MDGA2: variants seen among roughly 807,000 people sequenced by gnomAD.
The protein encoded by MDGA2 is MAM domain-containing glycosylphosphatidylinositol anchor protein 2.
In MDGA2, 40 loss-of-function variants were observed where a neutral mutation model predicts 117.8. The observed-to-expected ratio is 0.34, with a 90% confidence interval of 0.26 to 0.44. The LOEUF is 0.44. MDGA2 is among the 20% of genes least tolerant of loss of function. The pLI is 1.00. For synonymous variants in MDGA2, 452 were observed against 439.0 expected, an observed-to-expected ratio of 1.03 and a Z score of -0.37; for missense variants, 1,123 against 1,250.6, an observed-to-expected ratio of 0.90 and a Z score of 1.54.
At chr14:46,897,416 A>G (rs1191790071) in intron 10 of MDGA2, among the ~76,000 whole-genome samples, 1 of 152,168 alleles carries the variant, frequency 6.6e-6, no homozygotes, top group Non-Finnish European at 1.5e-5. Context: ...CATTAAGGTC[A>G]TTTGATATTT....
intron 10 of MDGA2, among the ~76,000 whole-genome samples, chr14:46,890,347 C>T (rs1882833150): frequency 6.6e-6 from 1 of 152,040 alleles, no homozygotes; most frequent in South Asian, 2.1e-4. Flanking sequence ...AAGAAAATTA[C>T]AAGAATAGAA....
At chr14:47,263,642 C>T (rs1887873176) in intron 2 of MDGA2, among the ~76,000 whole-genome samples, 1 of 152,066 alleles carries the variant, frequency 6.6e-6, no homozygotes, top group Non-Finnish European at 1.5e-5. Flanking sequence ...ATTGGACTTT[C>T]TTAGGCCAAC....
chr14:47,060,171 A>T (rs1889832167), intron 7 of MDGA2, among the ~76,000 whole-genome samples: 1 of 152,024 alleles, frequency 6.6e-6, no homozygotes, highest in Admixed American at 6.6e-5. Context: ...ACTTTTCATC[A>T]CCCTAATTTC....
At chr14:47,024,796 T>C (rs977263539) in intron 8 of MDGA2, among the ~76,000 whole-genome samples, 1 of 152,190 alleles carries the variant, frequency 6.6e-6, no homozygotes, top group Non-Finnish European at 1.5e-5. Context: ...TTTAATGTTA[T>C]AATGCATGGT....
chr14:47,363,320 C>T (rs1160317793), intron 1 of MDGA2, among the ~76,000 whole-genome samples: 6 of 152,184 alleles, frequency 3.9e-5, no homozygotes, highest in East Asian at 1.9e-4. Flanking sequence ...TGCAGTGGCA[C>T]GATCTCAGCT....
intron 1 of MDGA2, among the ~76,000 whole-genome samples, chr14:47,456,943 C>T (rs576466460): frequency 6.6e-6 from 1 of 151,712 alleles, no homozygotes; most frequent in South Asian, 2.1e-4. Context: ...AGACTCTGGT[C>T]AGCACCTCAG....
chr14:46,923,145 T>TA (rs1319342242), intron 9 of MDGA2, among the ~76,000 whole-genome samples: 1 of 152,188 alleles, frequency 6.6e-6, no homozygotes, highest in African/African-American at 2.4e-5. Context: ...TTCAAGGTAG[T>TA]AAAAAATTAA....
rs902621547 is a variant in MDGA2 at position 47,358,167 on chromosome 14, G to A, written c.281-56617C>T. The stretch of plus-strand genomic sequence containing the variant: ...TACTAAAAACCTCACCCAGAGAGGT[G>A]TCTATTCACCATTTTCTACGCATAG... On this transcript the variant is annotated intron_variant, in intron 1 of 16. Transcript: ENST00000399232. 9.8e-4 allele frequency among the ~76,000 whole-genome samples: 149 copies of A among 152,174 alleles called. 4 individuals are homozygous for A. The highest frequency in any genetic ancestry group is 1.8e-4 in the Non-Finnish European group (12 of 68,030).
At chr14:47,302,572 C>T (rs72682193) in intron 1 of MDGA2, among the ~76,000 whole-genome samples, 23,130 of 151,992 alleles carry the variant, frequency 0.15, 1,923 homozygotes, top group Middle Eastern at 0.22. Flanking sequence ...GTTGTGATTG[C>T]TTAAAAATTA....
intron 2 of MDGA2, among the ~76,000 whole-genome samples, chr14:47,298,741 G>C (rs1349399995): frequency 6.9e-6 from 1 of 145,464 alleles, no homozygotes; most frequent in African/African-American, 2.5e-5. Context: ...CTGGAGTGCA[G>C]TGGCACGATC....
chr14:46,941,432 C>G (rs1235354209), intron 9 of MDGA2, among the ~76,000 whole-genome samples: 1 of 152,186 alleles, frequency 6.6e-6, no homozygotes, highest in Non-Finnish European at 1.5e-5. Context: ...GGGCTATCAT[C>G]TGTGGATTCT....
At chr14:46,879,088 ATG>A (rs1402893531) in intron 11 of MDGA2, among the ~76,000 whole-genome samples, 1 of 152,118 alleles carries the variant, frequency 6.6e-6, no homozygotes, top group Non-Finnish European at 1.5e-5. Context: ...GCATATGTCA[ATG>A]CCTAATCCCC....
intron 8 of MDGA2, among the ~76,000 whole-genome samples, chr14:46,990,853 AACACACACACACCC>A (rs1887060365): frequency 1.7e-5 from 2 of 117,816 alleles, no homozygotes; most frequent in Admixed American, 9.2e-5. Context: ...TATGGATTAG[AACACACACACACCC>A]ACACACACAC....
chr14:46,899,880 T>A (rs1883218309), intron 10 of MDGA2, among the ~76,000 whole-genome samples: 2 of 152,094 alleles, frequency 1.3e-5, no homozygotes, highest in Non-Finnish European at 2.9e-5. Flanking sequence ...TCAGAAGGCA[T>A]CAGTAGAGTA....
intron 5 of MDGA2, among the ~76,000 whole-genome samples, chr14:47,101,118 TAGATAGAC>T (rs201030704): frequency 0.2 from 24,774 of 123,646 alleles, 2,274 homozygotes; most frequent in East Asian, 0.27. Context: ...GATAGATAGA[TAGATAGAC>T]AGATAGATAG....
At chr14:47,568,584 A>G (rs1895960692) in intron 1 of MDGA2, among the ~76,000 whole-genome samples, 1 of 152,198 alleles carries the variant, frequency 6.6e-6, no homozygotes, top group Non-Finnish European at 1.5e-5. Context: ...AATTTCATAG[A>G]TATTGCCCCA....
At chr14:47,142,967 T>C (rs920802676) in intron 4 of MDGA2, among the ~76,000 whole-genome samples, 4 of 152,202 alleles carry the variant, frequency 2.6e-5, no homozygotes, top group African/African-American at 9.7e-5. Flanking sequence ...GGAATATATA[T>C]GATGTGTGCA....
chr14:47,129,371 T>C lies in MDGA2; in HGVS notation c.925+2343A>G, dbSNP rs1228607189. ...GTTTTTTGTTCTTGCGATAGTTTACTGAGAATGAAGATTTCCAATTTCATC... is the reference window on the plus strand; with the variant it reads ...GTTTTTTGTTCTTGCGATAGTTTACCGAGAATGAAGATTTCCAATTTCATC... On this transcript the variant is annotated intron_variant, in intron 5 of 16. Coordinates refer to ENST00000399232, the MANE Select transcript of MDGA2 (RefSeq NM_001113498.3). 7.2e-5 allele frequency among the ~76,000 whole-genome samples: 11 copies of C among 152,256 alleles called. No homozygotes were observed. The South Asian group carries it at 1.9e-3, about 26-fold the overall frequency.
intron 1 of MDGA2, among the ~76,000 whole-genome samples, chr14:47,519,049 CA>C (rs1894814223): frequency 6.6e-6 from 1 of 151,796 alleles, no homozygotes; most frequent in Non-Finnish European, 1.5e-5. Flanking sequence ...ACTAAAAATA[CA>C]AAAATTGGCC....
Sources: allele counts gnomAD v4.1 joint callset (sites outside exome capture counted in the v4.1 genomes callset), GRCh38; gene constraint gnomAD v4.1.1; transcripts MANE v1.5; gene names NCBI Gene and HGNC (gene_info 2026-07-23, HGNC 2026-07-21).